Variants in TLN2 observed in about 807,000 individuals in gnomAD.
The protein encoded by TLN2 is talin-2.
TLN2 carries 118 observed loss-of-function variants against 294.7 expected under a neutral mutation model. That is an observed-to-expected ratio of 0.40 (90% CI 0.34 to 0.47). The LOEUF is 0.47. Among genes scored for constraint, TLN2 ranks in the 20% least tolerant of loss-of-function variants. The pLI is 0.84. For synonymous variants in TLN2, 1,431 were observed against 1,304.5 expected, an observed-to-expected ratio of 1.10 and a Z score of -2.09; for missense variants, 3,083 against 3,282.2, an observed-to-expected ratio of 0.94 and a Z score of 1.48.
chr15:62,613,568 C>T (rs2048087114), intron 2 of TLN2, among the ~76,000 whole-genome samples: 1 of 152,184 alleles, frequency 6.6e-6, no homozygotes, highest in African/African-American at 2.4e-5. Flanking sequence ...AGCGATTCTA[C>T]TTGACATTTA....
intron 37 of TLN2, 95 bp from the exon 38 acceptor site, chr15:62,761,586 T>C: frequency 5.2e-6 from 8 of 1,549,754 alleles, no homozygotes; most frequent in Non-Finnish European, 7.0e-6. Context: ...AGTGTTCCGG[T>C]TGAACCACCT....
At chr15:62,835,515 G>A (rs2069419237) in intron 55 of TLN2, 2 of 589,954 alleles carry the variant, frequency 3.4e-6, no homozygotes, top group Non-Finnish European at 3.0e-6. Flanking sequence ...AGCATTTCCT[G>A]TCGCCTCTTG....
At chr15:62,482,722 C>A (rs2038174699) in intron 1 of TLN2, among the ~76,000 whole-genome samples, 1 of 147,982 alleles carries the variant, frequency 6.8e-6, no homozygotes, top group Admixed American at 6.7e-5. Context: ...AAAATAAATA[C>A]AAAAGAGTTA....
chr15:62,835,670 G>C, intron 55 of TLN2, 67 bp from the exon 56 acceptor site: 1 of 1,578,900 alleles, frequency 6.3e-7, no homozygotes, highest in Non-Finnish European at 8.7e-7. Context: ...GCAAGGTCTG[G>C]GGATGAGGGG....
chr15:62,437,305 C>T (rs2035330974), intron 1 of TLN2, among the ~76,000 whole-genome samples: 1 of 152,132 alleles, frequency 6.6e-6, no homozygotes, highest in African/African-American at 2.4e-5. Context: ...GGGACACATA[C>T]AAGTTTCATC....
rs988270387 is a variant in TLN2 at position 62,740,850 on chromosome 15, C to G, written c.4025+81C>G. On this transcript the variant is annotated intron_variant, in intron 32 of 58. Coordinates refer to ENST00000636159, the MANE Select transcript of TLN2 (RefSeq NM_015059.3). ...TGAAGATGTGCCTGACATCCTCCCA[C>G]TTTTGCTGAGCAAAAGAATTGGTGC... 1.1e-5 allele frequency: 17 copies of G among 1,574,530 alleles called. No individual in the cohort carries two copies. The Middle Eastern group carries it at 8.8e-4, about 81-fold the overall frequency.
intron 32 of TLN2, 25 bp from the exon 33 acceptor site, chr15:62,748,326 A>T (rs1453848095): frequency 6.3e-7 from 1 of 1,583,604 alleles, no homozygotes; most frequent in East Asian, 2.2e-5. Context: ...TCAAAAAAAA[A>T]AAAAAAATTC....
chr15:62,612,720 G>A (rs1174131894), intron 2 of TLN2, among the ~76,000 whole-genome samples: 1 of 152,090 alleles, frequency 6.6e-6, no homozygotes, highest in African/African-American at 2.4e-5. Context: ...TCACTTCTTA[G>A]GGCTGACTTC....
chr15:62,763,491 C>T, intron 39 of TLN2, 72 bp from the exon 40 acceptor site: 2 of 1,517,438 alleles, frequency 1.3e-6, no homozygotes, highest in East Asian at 2.3e-5. Flanking sequence ...GATCCTGGCC[C>T]ACCAGTGCTG....
At chr15:62,594,197 G>T (rs1318323584) in intron 2 of TLN2, among the ~76,000 whole-genome samples, 2 of 152,102 alleles carry the variant, frequency 1.3e-5, no homozygotes, top group African/African-American at 4.8e-5. Flanking sequence ...ACGGTCAATT[G>T]ATTTTTATTG....
intron 52 of TLN2, among the ~76,000 whole-genome samples, chr15:62,811,172 G>C (rs1160855829): frequency 1.3e-5 from 2 of 152,192 alleles, no homozygotes; most frequent in Non-Finnish European, 2.9e-5. Flanking sequence ...TCATTTAAGG[G>C]ATCATTATTT....
At chr15:62,488,114 A>C (rs2038509027) in intron 1 of TLN2, among the ~76,000 whole-genome samples, 1 of 152,134 alleles carries the variant, frequency 6.6e-6, no homozygotes, top group African/African-American at 2.4e-5. Context: ...GAAAACCACA[A>C]ACACATGGTC....
intron 22 of TLN2, 115 bp downstream of exon 22, chr15:62,712,192 C>T (rs1227643681): frequency 1.5e-6 from 2 of 1,291,334 alleles, no homozygotes; most frequent in African/African-American, 1.5e-5. Context: ...TTGCTTAAAA[C>T]CTATATGGCT....
At chr15:62,392,872 C>A (rs531911415) in intron 1 of TLN2, among the ~76,000 whole-genome samples, 1 of 152,074 alleles carries the variant, frequency 6.6e-6, no homozygotes, top group South Asian at 2.1e-4. Flanking sequence ...AAAGTGACTC[C>A]GATATGAATG....
At chr15:62,570,794 T>C (rs1000744908) in intron 1 of TLN2, among the ~76,000 whole-genome samples, 1 of 152,248 alleles carries the variant, frequency 6.6e-6, no homozygotes, top group Non-Finnish European at 1.5e-5. Context: ...GAATGTCTCC[T>C]GCATGGGAAA....
At chr15:62,599,576 C>T (rs1236277107) in intron 2 of TLN2, among the ~76,000 whole-genome samples, 2 of 152,298 alleles carry the variant, frequency 1.3e-5, no homozygotes, top group East Asian at 1.9e-4. Context: ...AGACCCCAAC[C>T]GTTCATCAAG....
In TLN2 at chr15:62,763,680, C is replaced by T. The variant is rs370731939; in HGVS notation, c.5079C>T (p.Asp1693=). 1.7e-5 allele frequency: 28 copies of T among 1,609,724 alleles called. No individual in the cohort carries two copies. Among genetic ancestry groups the T allele is most frequent in the East Asian group, 2.2e-5 (1 of 44,806 alleles). Residue 1693 remains aspartate (D), a synonymous_variant, in exon 40 of 59, where the codon GAC becomes GAT. Coordinates refer to ENST00000636159, the MANE Select transcript of TLN2 (RefSeq NM_015059.3). ...TCAGCCAGAGCCTGGCCACGAGGGA[C>T]GACATCTCTGTGGAGGTAAGCTGGG... ...AAVSQSLATR[D]DISVEALQEQ...
intron 1 of TLN2, among the ~76,000 whole-genome samples, chr15:62,548,807 A>G (rs2042133209): frequency 6.6e-6 from 1 of 152,198 alleles, no homozygotes; most frequent in Non-Finnish European, 1.5e-5. Flanking sequence ...CTATCCAGGC[A>G]GAAAGGAATG....
chr15:62,648,404 CAAAAAAAAAAAAAA>C (rs66528062), intron 4 of TLN2, among the ~76,000 whole-genome samples: 1 of 61,892 alleles, frequency 1.6e-5, no homozygotes, highest in Non-Finnish European at 2.9e-5. Flanking sequence ...GACCCTGACT[CAAAAAAAAAAAAAA>C]AAAAAAAAAA....
Sources: gnomAD v4.1 joint callset for allele counts (sites outside exome capture counted in the v4.1 genomes callset) on GRCh38, gnomAD v4.1.1 for gene constraint, MANE v1.5 for transcripts, NCBI Gene and HGNC (gene_info 2026-07-23, HGNC 2026-07-21) for gene names.